Variants in LRCH2 observed in about 807,000 individuals in gnomAD.
LRCH2 encodes the protein leucine-rich repeat and calponin homology domain-containing protein 2.
LRCH2 carries 38 observed loss-of-function variants against 68.9 expected under a neutral mutation model. The observed-to-expected ratio is 0.55, with a 90% CI of 0.43 to 0.72. The LOEUF (loss-of-function observed/expected upper bound fraction) is 0.72, where lower values mean the gene tolerates loss of function less well. LRCH2 is among the 30% of genes least tolerant of loss of function. The pLI is 0.00. For missense variants in LRCH2, 528 were observed against 572.9 expected (o/e 0.92, Z 0.80); for synonymous variants, 191 against 208.1 (o/e 0.92, Z 0.71).
Position 115,174,601 on chromosome X carries a change from CCACACA to C in LRCH2, c.865-4175_865-4170del, listed in dbSNP as rs59364428. Reference sequence around the variant, plus strand: ...ATTACACACAAACACACCCCCCCCCCCACACACACACACACACTATATTTTCTTTAT... The same window carrying C: ...ATTACACACAAACACACCCCCCCCCCCACACACACACTATATTTTCTTTAT... On this transcript the variant is annotated intron_variant, in intron 5 of 20. Coordinates refer to ENST00000317135, the MANE Select transcript of LRCH2 (RefSeq NM_020871.4). Among the ~76,000 whole-genome samples the C allele has an allele frequency of 4.1e-3, 276 of 66,567 alleles. 1 individual carries two copies. Among genetic ancestry groups the C allele is most frequent in the African/African-American group, 7.3e-3 (145 of 19,950 alleles). The allele number at this position is 66,567 out of a possible 115,157, so 57.8% of individuals were successfully genotyped here.
intron 14 of LRCH2, among the ~76,000 whole-genome samples, chrX:115,132,396 G>A (rs2072253891): frequency 9.0e-6 from 1 of 111,332 alleles, no homozygotes; most frequent in African/African-American, 3.3e-5. Context: ...GGTTGTCGAT[G>A]TGTGGTATTA....
chrX:115,173,301 G>A (rs905352249), intron 5 of LRCH2, among the ~76,000 whole-genome samples: 3 of 111,532 alleles, frequency 2.7e-5, no homozygotes, highest in Admixed American at 9.5e-5. Context: ...CATCTGCCTC[G>A]ATAAGCCGGG....
At chrX:115,192,283 C>T (rs1487132568) in intron 1 of LRCH2, 28 of 1,164,976 alleles carry the variant, frequency 2.4e-5, no homozygotes, top group South Asian at 9.5e-5. Flanking sequence ...AGGAGGAGGC[C>T]GCTACGAGGA....
At chrX:115,139,072 A>G (rs1163397150) in intron 14 of LRCH2, 4 of 112,181 alleles carry the variant, frequency 3.6e-5, no homozygotes, top group Non-Finnish European at 7.5e-5. Context: ...AAAATAAACA[A>G]ATGTGTAATT....
Position 115,165,579 on chromosome X carries a change from TC to T in LRCH2, c.1274del (p.Gly425AspfsTer23). 8.6e-7 allele frequency: 1 copy of T among 1,161,327 alleles called. No homozygotes were observed. The highest frequency in any genetic ancestry group is 2.6e-5 in the Admixed American group (1 of 38,802). ...TTACCTTAAAGAATGATACAAATGA[TC>T]CAATATGTGCATTTCCCTGTTCAGG... ...AVPEQGNAHI[G>X]SFVSFFKGKE... On this transcript the variant is annotated frameshift_variant, in exon 9 of 21. Coordinates refer to ENST00000317135, the MANE Select transcript of LRCH2 (RefSeq NM_020871.4). LOFTEE classifies it high-confidence loss of function.
Position 115,112,828 on chromosome X carries a change from A to G in LRCH2, c.*388T>C, listed in dbSNP as rs1306899999. On this transcript the variant is annotated 3_prime_UTR_variant, in exon 21 of 21. Transcript: ENST00000317135. ...AATAACTCAAATATAGAATTGCTCT[A>G]AATTGCTAAAAAAAATTACCTTTAT... 1.8e-5 allele frequency: 2 copies of G among 113,467 alleles called. No individual in the cohort carries two copies. Among genetic ancestry groups the G allele is most frequent in the African/African-American group, 6.5e-5 (2 of 30,965 alleles). 9.4% of individuals were successfully genotyped at this position (113,467 alleles called of 1,213,427 possible).
Position 115,165,867 on chromosome X carries a change from A to G in LRCH2, c.1172T>C (p.Ile391Thr). ...TTTCTGAGAATCAGTCTTACTTCCT[A>G]TTATGTGACTGTCATTTCTTGATGT... is the stretch of plus-strand genomic sequence containing the variant. ...EQTSRNDSHIIGSKTDSQKDQ... is the reference protein window; with the variant it reads ...EQTSRNDSHITGSKTDSQKDQ... Residue 391 changes from isoleucine (I) to threonine (T), a missense_variant, in exon 8 of 21, where the codon ATA becomes ACA. By Grantham distance (89) the Ile-to-Thr change is moderately conservative. Transcript: ENST00000317135. The G allele has an allele frequency of 6.9e-6, 8 of 1,161,105 alleles. No individual in the cohort carries two copies. The highest frequency in any genetic ancestry group is 9.2e-6 in the Non-Finnish European group (8 of 867,198).
In LRCH2 at chrX:115,111,561, T is replaced by G. The variant is rs1556522760; in HGVS notation, c.*1655A>C. The G allele has an allele frequency of 9.0e-6, 1 of 110,694 alleles. No individual in the cohort carries two copies. The highest frequency in any genetic ancestry group is 9.7e-5 in the Admixed American group (1 of 10,257). 9.1% of individuals were successfully genotyped at this position (110,694 alleles called of 1,213,427 possible). On this transcript the variant is annotated 3_prime_UTR_variant, in exon 21 of 21. Transcript: ENST00000317135. ...ATTATGTCAGCGAGTTTTTTTTTTA[T>G]CCAACTAAAAAATTAACAACTAATG...
At chrX:115,133,731 T>C (rs2147355725) in intron 14 of LRCH2, among the ~76,000 whole-genome samples, 1 of 111,881 alleles carries the variant, frequency 8.9e-6, no homozygotes, top group East Asian at 2.8e-4. Context: ...GCGAACTTAA[T>C]CGATCAATGT....
intron 1 of LRCH2, among the ~76,000 whole-genome samples, chrX:115,200,085 G>C (rs2072919744): frequency 8.9e-6 from 1 of 111,818 alleles, no homozygotes; most frequent in African/African-American, 3.2e-5. Context: ...AAAATTTTTT[G>C]AAACAAATGA....
intron 5 of LRCH2, among the ~76,000 whole-genome samples, chrX:115,175,199 C>G (rs1317230892): frequency 8.9e-6 from 1 of 111,743 alleles, no homozygotes; most frequent in Non-Finnish European, 1.9e-5. Context: ...GCCTCAGAAG[C>G]AAAGTTTTTC....
chrX:115,162,374 CTTAAA>C (rs1410562061), intron 11 of LRCH2, among the ~76,000 whole-genome samples: 2 of 111,868 alleles, frequency 1.8e-5, no homozygotes, highest in Non-Finnish European at 3.8e-5. Flanking sequence ...GCAATCAACA[CTTAAA>C]TTATATTGGA....
intron 11 of LRCH2, 124 bp downstream of exon 11, chrX:115,163,552 T>G: frequency 2.3e-6 from 1 of 438,243 alleles, no homozygotes; most frequent in Non-Finnish European, 3.8e-6. Flanking sequence ...AGTTAGTCCC[T>G]TGAGATAGAT....
intron 6 of LRCH2, among the ~76,000 whole-genome samples, chrX:115,168,758 T>C (rs782668238): frequency 2.5e-4 from 28 of 111,423 alleles, no homozygotes; most frequent in Non-Finnish European, 4.5e-4. Flanking sequence ...CTTCTATTTT[T>C]GCTTACTTCC....
Position 115,179,550 on chromosome X carries a change from AAGGTCTCCT to A in LRCH2, c.732_740del (p.Leu244_Leu247delinsPhe). ...AAGAGAAATCCAGCTTGACTAAGGGAAGGTCTCCTAATTCTGGTCAGAAATGAAAAATAA... is the reference window on the plus strand; with the variant it reads ...AAGAGAAATCCAGCTTGACTAAGGGAAATTCTGGTCAGAAATGAAAAATAA... On this transcript the variant is annotated inframe_deletion, in exon 5 of 21. Transcript: ENST00000317135. 8.8e-7 allele frequency: 1 copy of A among 1,137,516 alleles called. No homozygotes were observed. Among genetic ancestry groups the A allele is most frequent in the Non-Finnish European group, 1.2e-6 (1 of 861,141 alleles). The allele number at this position is 1,137,516 out of a possible 1,213,427, so 93.7% of individuals were successfully genotyped here.
chrX:115,153,145 CAAA>C (rs782365745), intron 12 of LRCH2, among the ~76,000 whole-genome samples: 1 of 31,277 alleles, frequency 3.2e-5, no homozygotes, highest in Non-Finnish European at 6.5e-5. Context: ...CCTGTCTCTA[CAAA>C]AAAAAAAAAA....
intron 5 of LRCH2, among the ~76,000 whole-genome samples, chrX:115,175,697 AG>A (rs1431355498): frequency 3.6e-5 from 4 of 112,094 alleles, no homozygotes; most frequent in Non-Finnish European, 7.5e-5. Context: ...TTTTTGTTAT[AG>A]GGGTATCAGC....
intron 11 of LRCH2, among the ~76,000 whole-genome samples, chrX:115,158,696 A>G (rs2072494104): frequency 8.9e-6 from 1 of 112,297 alleles, no homozygotes; most frequent in African/African-American, 3.2e-5. Flanking sequence ...TAAAATAATT[A>G]CTAAAAGGAA....
At chrX:115,200,078 A>T (rs1334607267) in intron 1 of LRCH2, among the ~76,000 whole-genome samples, 1 of 112,352 alleles carries the variant, frequency 8.9e-6, no homozygotes, top group African/African-American at 3.2e-5. Flanking sequence ...AAGATTAAAA[A>T]TTTTTTGAAA....
Sources: allele counts gnomAD v4.1 joint callset (sites outside exome capture counted in the v4.1 genomes callset), GRCh38; gene constraint gnomAD v4.1.1; transcripts MANE v1.5; gene names NCBI Gene and HGNC (gene_info 2026-07-23, HGNC 2026-07-21).